Variants in BMP2K observed in about 807,000 individuals in gnomAD.
The protein encoded by BMP2K is BMP-2-inducible protein kinase.
Under a neutral mutation model 116.0 loss-of-function variants are expected in BMP2K, and 74 were observed. The observed-to-expected ratio is 0.64, with a 90% CI of 0.53 to 0.77. The LOEUF (loss-of-function observed/expected upper bound fraction) is 0.77, where lower values mean the gene tolerates loss of function less well. Among genes scored for constraint, BMP2K ranks in the 30% least tolerant of loss-of-function variants. The pLI is 0.00. For missense variants in BMP2K, 1,365 were observed against 1,403.6 expected (o/e 0.97, Z 0.44); for synonymous variants, 486 against 502.5 (o/e 0.97, Z 0.44).
chr4:78,909,326 G>T (rs551744938), intron 15 of BMP2K, among the ~76,000 whole-genome samples: 2 of 151,298 alleles, frequency 1.3e-5, no homozygotes, highest in African/African-American at 4.9e-5. Flanking sequence ...GTGAGCCACC[G>T]CACCCAGCCC....
chr4:78,856,508 T>G (rs1284092458), intron 7 of BMP2K, among the ~76,000 whole-genome samples: 1 of 152,136 alleles, frequency 6.6e-6, no homozygotes, highest in Non-Finnish European at 1.5e-5. Context: ...GATGCCTTAT[T>G]GATTTTTTTT....
At chr4:78,839,606 T>C (rs555547524) in intron 3 of BMP2K, among the ~76,000 whole-genome samples, 1 of 152,122 alleles carries the variant, frequency 6.6e-6, no homozygotes, top group South Asian at 2.1e-4. Context: ...ACAGAACTAA[T>C]AGGATAGATA....
intron 1 of BMP2K, among the ~76,000 whole-genome samples, chr4:78,821,049 C>A (rs1395201694): frequency 2.0e-5 from 3 of 152,200 alleles, no homozygotes; most frequent in Non-Finnish European, 4.4e-5. Context: ...GCTCTTATTT[C>A]ATGACTGCAA....
At chr4:78,782,286 C>T (rs1578461225) in intron 1 of BMP2K, among the ~76,000 whole-genome samples, 1 of 152,280 alleles carries the variant, frequency 6.6e-6, no homozygotes, top group East Asian at 1.9e-4. Flanking sequence ...ATTATGTAAG[C>T]ACCTAGAAAC....
intron 14 of BMP2K, among the ~76,000 whole-genome samples, chr4:78,885,701 G>T (rs961339660): frequency 5.3e-5 from 8 of 152,186 alleles, no homozygotes; most frequent in Admixed American, 2.0e-4. Flanking sequence ...TCAAATGGCT[G>T]TGGACCAAAG....
intron 1 of BMP2K, among the ~76,000 whole-genome samples, chr4:78,812,758 T>A (rs886810183): frequency 1.3e-5 from 2 of 152,144 alleles, no homozygotes; most frequent in Non-Finnish European, 2.9e-5. Context: ...ACTATTTGGC[T>A]GTGGTGGCTC....
rs76418001 is a variant in BMP2K at position 78,791,598 on chromosome 4, A to G, written c.178+14877A>G. ...CAAACTTCGTACCCATCAAACACCA[A>G]CTTTCCACTTCCCCTATTCCTTTAG... On this transcript the variant is annotated intron_variant, in intron 1 of 15. Transcript: ENST00000502613. Among the ~76,000 whole-genome samples, 620 of 152,162 alleles carry G rather than the reference A, an allele frequency of 4.1e-3. 1 individual carries two copies. The highest frequency in any genetic ancestry group is 0.014 in the African/African-American group (587 of 41,502).
intron 1 of BMP2K, among the ~76,000 whole-genome samples, chr4:78,797,017 C>T (rs936343518): frequency 2.6e-5 from 4 of 152,074 alleles, no homozygotes; most frequent in Admixed American, 6.5e-5. Flanking sequence ...ATGAGGGGCC[C>T]TAGAGACTAG....
In BMP2K at chr4:78,811,017, G is replaced by C. The variant is rs185660680; in HGVS notation, c.179-15020G>C. On this transcript the variant is annotated intron_variant, in intron 1 of 15. Transcript: ENST00000502613. ...CTTTCAAGCTTTACCTCTTTGGAAAGTACTATATACTCTTCTGTGATTCAG... is the reference window on the plus strand; with the variant it reads ...CTTTCAAGCTTTACCTCTTTGGAAACTACTATATACTCTTCTGTGATTCAG... 3.3e-5 allele frequency among the ~76,000 whole-genome samples: 5 copies of C among 152,180 alleles called. No individual in the cohort carries two copies. In the East Asian group the frequency reaches 9.7e-4, roughly 29 times the overall value.
intron 14 of BMP2K, chr4:78,879,280 T>TTCAAA: frequency 1.0e-6 from 1 of 1,003,164 alleles, no homozygotes; most frequent in Non-Finnish European, 1.2e-6. Context: ...GAAAATATTG[T>TTCAAA]GGGTCTGAGA....
intron 2 of BMP2K, among the ~76,000 whole-genome samples, chr4:78,829,248 T>C (rs1730030496): frequency 6.6e-6 from 1 of 152,208 alleles, no homozygotes; most frequent in African/African-American, 2.4e-5. Context: ...TATTCTTAAA[T>C]CCTTTGTTAT....
intron 1 of BMP2K, among the ~76,000 whole-genome samples, chr4:78,820,538 T>C (rs937893043): frequency 6.6e-6 from 1 of 152,192 alleles, no homozygotes; most frequent in African/African-American, 2.4e-5. Context: ...CTTTTCTTTT[T>C]CTGGAGAGTC....
chr4:78,897,187 G>GT (rs971642709), intron 15 of BMP2K, among the ~76,000 whole-genome samples: 2 of 142,138 alleles, frequency 1.4e-5, no homozygotes, highest in South Asian at 2.1e-4. Context: ...TTAAGAAAAT[G>GT]TTTTTTTGAT....
chr4:78,870,554 G>A (rs545818674), intron 10 of BMP2K, among the ~76,000 whole-genome samples: 1 of 152,306 alleles, frequency 6.6e-6, no homozygotes, highest in African/African-American at 2.4e-5. Flanking sequence ...GAAACATGAA[G>A]TGTTTCTAAG....
chr4:78,904,151 G>A (rs892799111), intron 15 of BMP2K, among the ~76,000 whole-genome samples: 2 of 151,896 alleles, frequency 1.3e-5, no homozygotes, highest in Non-Finnish European at 2.9e-5. Context: ...AACAATGCAT[G>A]TCTTTGAAAC....
chr4:78,868,977 A>G (rs1732200125), intron 10 of BMP2K, among the ~76,000 whole-genome samples: 1 of 152,038 alleles, frequency 6.6e-6, no homozygotes, highest in South Asian at 2.1e-4. Context: ...GGTCTGGAGG[A>G]TGGTGGCCCT....
At chr4:78,777,038 G>A (rs185944401) in intron 1 of BMP2K, among the ~76,000 whole-genome samples, 6 of 152,274 alleles carry the variant, frequency 3.9e-5, no homozygotes, top group Admixed American at 6.5e-5. Flanking sequence ...ACTCATTAGA[G>A]GGTCAGATCG....
intron 1 of BMP2K, among the ~76,000 whole-genome samples, chr4:78,797,596 A>G (rs1487629427): frequency 1.3e-5 from 2 of 152,208 alleles, no homozygotes; most frequent in Non-Finnish European, 2.9e-5. Context: ...AGGGATTGGC[A>G]TATTGAAAGT....
intron 15 of BMP2K, among the ~76,000 whole-genome samples, chr4:78,906,510 TTATACTGTGTTCTCAAATATAG>T: frequency 6.6e-6 from 1 of 152,280 alleles, no homozygotes; most frequent in Admixed American, 6.5e-5. Context: ...TTTCCATTTC[TTATACTGTGTTCTCAAATATAG>T]CTGTCTAAAA....
Sources: allele counts gnomAD v4.1 joint callset (sites outside exome capture counted in the v4.1 genomes callset), GRCh38; gene constraint gnomAD v4.1.1; transcripts MANE v1.5; gene names NCBI Gene and HGNC (gene_info 2026-07-23, HGNC 2026-07-21).